Variants in RBMXL3 observed in about 807,000 individuals in gnomAD.
The protein encoded by RBMXL3 is RBMX like 3, also known as RNA-binding motif protein, X-linked-like-3.
In RBMXL3, 2 loss-of-function variants were observed where a neutral mutation model predicts 0.8. The ratio of observed to expected loss-of-function variants is 2.54; its 90% CI spans 1.04 to 8.00. RBMXL3 has a LOEUF of 8.00. RBMXL3 is among the 30% of genes most tolerant of loss of function. The pLI, the probability that RBMXL3 is intolerant of heterozygous loss-of-function variation, is 0.04. For missense variants in RBMXL3, 1,127 were observed against 1,068.0 expected (o/e 1.06, Z -0.77); for synonymous variants, 447 against 449.8 (o/e 0.99, Z 0.08).
In RBMXL3 at chrX:115,192,233, A is replaced by G; in HGVS notation, c.2792A>G (p.Asn931Ser). 8.6e-7 allele frequency: 1 copy of G among 1,159,796 alleles called. No individual in the cohort carries two copies. Among genetic ancestry groups the G allele is most frequent in the African/African-American group, 1.8e-5 (1 of 54,489 alleles). ...GCCTACGGCGGGGGCCGCGGCCTCA[A>G]CAGTTCCAACAACAGTCATGGCCGG... ...PNAYGGGRGLNSSNNSHGRSH... is the reference protein window; with the variant it reads ...PNAYGGGRGLSSSNNSHGRSH... Residue 931 changes from asparagine to serine, a missense_variant, in exon 1 of 1, where the codon AAC (asparagine) becomes AGC (serine). By Grantham distance (46) the Asn-to-Ser change is conservative. Transcript: ENST00000424776.
In RBMXL3 at chrX:115,192,403, G is replaced by A; in HGVS notation, c.2962G>A (p.Gly988Ser). ...AGGAGGCCACTACGAGGAGTACCAG[G>A]GCAGCTTGCCTGACGCCTACAGCGG... The part of the protein sequence containing the change: ...GGGGHYEEYQ[G>S]SLPDAYSGDH... Residue 988 changes from glycine to serine, a missense_variant, in exon 1 of 1, where the codon GGC becomes AGC. Gly to Ser is a moderately conservative substitution (Grantham distance 56, BLOSUM62 0). Transcript: ENST00000424776. The A allele has an allele frequency of 8.6e-7, 1 of 1,166,480 alleles. No homozygotes were observed. The highest frequency in any genetic ancestry group is 1.8e-5 in the African/African-American group (1 of 56,517).
rs782134497 is a variant in RBMXL3, at chrX:115,191,347, C to A, written c.1906C>A (p.Arg636Ser). 8.7e-7 allele frequency: 1 copy of A among 1,149,372 alleles called. No individual in the cohort carries two copies. Among genetic ancestry groups the A allele is most frequent in the Non-Finnish European group, 1.2e-6 (1 of 861,445 alleles). The allele number at this position is 1,149,372 out of a possible 1,213,427, so 94.7% of individuals were successfully genotyped here. A position where few individuals can be genotyped will look rare whatever the true frequency, so the allele number is the denominator to read the frequency against. The change falls in exon 1 of 1, where the codon CGC becomes AGC. Residue 636 changes from arginine (R) to serine (S), a missense_variant. Transcript: ENST00000424776. ...GGGRYEEYRG[R>S]SLDANSGGRS... ...AGGCCGCTACGAGGAGTACCGAGGCCGCTCCCTTGATGCCAACAGTGGAGG... is the reference window on the plus strand; with the variant it reads ...AGGCCGCTACGAGGAGTACCGAGGCAGCTCCCTTGATGCCAACAGTGGAGG...
rs1556561141 is a variant in RBMXL3, at chrX:115,192,309, G to A, written c.2868G>A (p.Ser956=). 6.0e-6 allele frequency: 7 copies of A among 1,158,247 alleles called. No homozygotes were observed. In the Admixed American group the frequency reaches 1.0e-4, roughly 17 times the overall value. The change falls in exon 1 of 1, where the codon TCG becomes TCA. Residue 956 remains serine (S), a synonymous_variant. Coordinates refer to ENST00000424776, the MANE Select transcript of RBMXL3 (RefSeq NM_001145346.2). ...GCTACGAGGAGTACCGAGGCCCCTC[G>A]CCTGACGCCCACAGTGGGGGCCGCG... The part of the protein sequence containing the change: ...GGRYEEYRGP[S]PDAHSGGRDS...
chrX:115,192,627 A>T lies in RBMXL3; in HGVS notation c.3186A>T (p.Glu1062Asp). The T allele has an allele frequency of 1.7e-6, 2 of 1,169,663 alleles. No homozygotes were observed. The highest frequency in any genetic ancestry group is 2.3e-6 in the Non-Finnish European group (2 of 873,985). Residue 1062 changes from glutamate (E) to aspartate (D), a missense_variant, in exon 1 of 1, where the codon GAA becomes GAT. By Grantham distance (45) the Glu-to-Asp change is conservative. Coordinates refer to ENST00000424776, the MANE Select transcript of RBMXL3 (RefSeq NM_001145346.2). Reference protein sequence around the residue: ...GRQGGRFERGEGRSRY With the variant: ...GRQGGRFERGDGRSRY ...AAGGAGGCCGCTTCGAGAGGGGGGAAGGCCGGAGCAGATACTAAGCAGGAA... is the reference window on the plus strand; with the variant it reads ...AAGGAGGCCGCTTCGAGAGGGGGGATGGCCGGAGCAGATACTAAGCAGGAA...
rs1167453090 is a variant in RBMXL3, at chrX:115,189,885, G to A, written c.444G>A (p.Arg148=). 8.6e-7 allele frequency: 1 copy of A among 1,163,586 alleles called. No individual in the cohort carries two copies. Among genetic ancestry groups the A allele is most frequent in the Non-Finnish European group, 1.1e-6 (1 of 871,083 alleles). Residue 148 remains arginine, a synonymous_variant, in exon 1 of 1, where the codon AGG becomes AGA. Transcript: ENST00000424776. ...GGCCCTACAGGGCCCCGATGCCCAG[G>A]AAGCGCGGGCCGCCACCGCGGCACT... is the stretch of plus-strand genomic sequence containing the variant. The part of the protein sequence containing the change: ...DLWPYRAPMP[R]KRGPPPRHWA...
chrX:115,190,746 C>A lies in RBMXL3; in HGVS notation c.1305C>A (p.Ser435Arg), dbSNP rs782203878. Residue 435 changes from serine (S) to arginine (R), a missense_variant, in exon 1 of 1, where the codon AGC becomes AGA. Physicochemically the swap from Ser to Arg is moderately radical, Grantham distance 110 (BLOSUM62 -1). Coordinates refer to ENST00000424776, the MANE Select transcript of RBMXL3 (RefSeq NM_001145346.2). ...EYRGRSHEAR[S>R]GGRSTDAHSR... ...GAGGCCGCTCACACGAGGCCCGCAGCGGGGGCCGCTCCACTGATGCCCACA... is the reference window on the plus strand; with the variant it reads ...GAGGCCGCTCACACGAGGCCCGCAGAGGGGGCCGCTCCACTGATGCCCACA... The A allele has an allele frequency of 1.2e-5, 14 of 1,162,405 alleles. No individual in the cohort carries two copies. Among genetic ancestry groups the A allele is most frequent in the Admixed American group, 2.6e-5 (1 of 38,282 alleles).
In RBMXL3 at chrX:115,190,792, G is replaced by A. The variant is rs1430561307; in HGVS notation, c.1351G>A (p.Ala451Thr). ...DAHSRGRSDD[A>T]YSGGHDSSSW... ...CCACAGCAGGGGCCGGTCCGACGACGCCTACAGTGGGGGCCATGACAGTTC... is the reference window on the plus strand; with the variant it reads ...CCACAGCAGGGGCCGGTCCGACGACACCTACAGTGGGGGCCATGACAGTTC... The change falls in exon 1 of 1, where the codon GCC becomes ACC. Residue 451 changes from alanine (A) to threonine (T), a missense_variant. Physicochemically the swap from Ala to Thr is moderately conservative, Grantham distance 58 (BLOSUM62 0). Transcript: ENST00000424776. 21 of 1,163,483 alleles carry A rather than the reference G, an allele frequency of 1.8e-5. No homozygotes were observed. Among genetic ancestry groups the A allele is most frequent in the Admixed American group, 1.6e-4 (6 of 38,286 alleles).
rs62601525 is a variant in RBMXL3, at chrX:115,189,585, G to A, written c.144G>A (p.Ser48=). The change falls in exon 1 of 1, where the codon TCG becomes TCA. Residue 48 remains serine (S), a synonymous_variant. Transcript: ENST00000424776. ...FLMKDRKTNK[S]RGFAFVTFES... ...TGAAAGACCGAAAAACCAACAAGTC[G>A]AGGGGCTTCGCGTTCGTCACCTTCG... is the stretch of plus-strand genomic sequence containing the variant. The A allele has an allele frequency of 0.14, 167,411 of 1,169,871 alleles. 9,073 individuals carry two copies. Among genetic ancestry groups the A allele is most frequent in the Non-Finnish European group, 0.16 (141,307 of 874,343 alleles).
At position 115,189,537 on chromosome X, in the gene RBMXL3, C is replaced by T; in HGVS notation, c.96C>T (p.Gly32=). Reference sequence around the variant, plus strand: ...TCAAAGCCGAGTTTGGCAAGTATGGCCACATCATCAAGGTGTTCCTGATGA... The same window carrying T: ...TCAAAGCCGAGTTTGGCAAGTATGGTCACATCATCAAGGTGTTCCTGATGA... ...KALKAEFGKY[G]HIIKVFLMKD... is the part of the protein sequence containing the mutation. The change falls in exon 1 of 1, where the codon GGC becomes GGT. Residue 32 remains glycine, a synonymous_variant. Coordinates refer to ENST00000424776, the MANE Select transcript of RBMXL3 (RefSeq NM_001145346.2). 8.5e-7 allele frequency: 1 copy of T among 1,179,977 alleles called. No homozygotes were observed. Among genetic ancestry groups the T allele is most frequent in the Non-Finnish European group, 1.1e-6 (1 of 878,771 alleles).
rs1307596811 is a variant in RBMXL3, at chrX:115,192,598, C to T, written c.3157C>T (p.Arg1053Cys). ...CTGCAGGGTGCCCAGGGGCGGAGGC[C>T]GTCAAGGAGGCCGCTTCGAGAGGGG... is the stretch of plus-strand genomic sequence containing the variant. The part of the protein sequence containing the change: ...SGCRVPRGGG[R>C]QGGRFERGEG... Residue 1053 changes from arginine (R) to cysteine (C), a missense_variant, in exon 1 of 1, where the codon CGT becomes TGT. Arg to Cys is a radical substitution (Grantham distance 180). Transcript: ENST00000424776. 1.8e-5 allele frequency: 21 copies of T among 1,169,731 alleles called. No homozygotes were observed. The highest frequency in any genetic ancestry group is 2.2e-5 in the Non-Finnish European group (19 of 874,551).
rs1556560631 is a variant in RBMXL3 at position 115,192,023 on chromosome X, A to G, written c.2582A>G (p.Tyr861Cys). ...RSHRYGGGGH[Y>C]EEYRGRSHDT... Reference sequence around the variant, plus strand: ...CACCGCTATGGAGGAGGAGGCCACTACGAAGAGTACCGAGGCCGCTCGCAC... The same window carrying G: ...CACCGCTATGGAGGAGGAGGCCACTGCGAAGAGTACCGAGGCCGCTCGCAC... The change falls in exon 1 of 1, where the codon TAC becomes TGC. Residue 861 changes from tyrosine (Y) to cysteine (C), a missense_variant. Coordinates refer to ENST00000424776, the MANE Select transcript of RBMXL3 (RefSeq NM_001145346.2). 1 of 1,166,076 alleles carries G rather than the reference A, an allele frequency of 8.6e-7. No individual in the cohort carries two copies. Among genetic ancestry groups the G allele is most frequent in the African/African-American group, 1.8e-5 (1 of 55,698 alleles).
In RBMXL3 at chrX:115,192,548, T is replaced by C. The variant is rs1239807222; in HGVS notation, c.3107T>C (p.Leu1036Pro). Residue 1036 changes from leucine to proline, a missense_variant, in exon 1 of 1, where the codon CTG becomes CCG. Leu to Pro is a moderately conservative substitution (Grantham distance 98). Transcript: ENST00000424776. ...CCCATGGAAACGGGCAGCCCTCCCCTGCATGATTCTTACAGCCGGTCAGGC... is the reference window on the plus strand; with the variant it reads ...CCCATGGAAACGGGCAGCCCTCCCCCGCATGATTCTTACAGCCGGTCAGGC... ...PLPMETGSPP[L>P]HDSYSRSGCR... 1 of 1,169,466 alleles carries C rather than the reference T, an allele frequency of 8.6e-7. No individual in the cohort carries two copies. The highest frequency in any genetic ancestry group is 1.8e-5 in the African/African-American group (1 of 56,548).
chrX:115,192,713 A>G lies in RBMXL3; in HGVS notation c.*68A>G. The stretch of plus-strand genomic sequence containing the variant: ...AAAAAGAAGAACCTGTTCTATGTTA[A>G]CTACCCAAGGACTAGTATAAGTAGG... On this transcript the variant is annotated 3_prime_UTR_variant, in exon 1 of 1. Coordinates refer to ENST00000424776, the MANE Select transcript of RBMXL3 (RefSeq NM_001145346.2). The G allele has an allele frequency of 9.6e-7, 1 of 1,044,217 alleles. No individual in the cohort carries two copies. The highest frequency in any genetic ancestry group is 1.3e-6 in the Non-Finnish European group (1 of 763,557). The allele number at this position is 1,044,217 out of a possible 1,213,427, so 86.1% of individuals were successfully genotyped here. A position where few individuals can be genotyped will look rare whatever the true frequency, so the allele number is the denominator to read the frequency against.
chrX:115,190,873 T>A lies in RBMXL3; in HGVS notation c.1432T>A (p.Ser478Thr). 1 of 1,155,544 alleles carries A rather than the reference T, an allele frequency of 8.7e-7. No individual in the cohort carries two copies. The highest frequency in any genetic ancestry group is 1.9e-5 in the South Asian group (1 of 51,715). Residue 478 changes from serine to threonine, a missense_variant, in exon 1 of 1, where the codon TCG becomes ACG. By Grantham distance (58) the Ser-to-Thr change is moderately conservative. Transcript: ENST00000424776. ...GGRYEEYQGRSLDANSGGCSP... is the reference protein window; with the variant it reads ...GGRYEEYQGRTLDANSGGCSP... ...CCGTTATGAGGAGTACCAAGGCCGC[T>A]CGCTGGATGCCAACAGTGGAGGCTG...
chrX:115,189,691 A>G lies in RBMXL3; in HGVS notation c.250A>G (p.Thr84Ala). Residue 84 changes from threonine to alanine, a missense_variant, in exon 1 of 1, where the codon ACC (threonine) becomes GCC (alanine). Physicochemically the swap from Thr to Ala is moderately conservative, Grantham distance 58. Coordinates refer to ENST00000424776, the MANE Select transcript of RBMXL3 (RefSeq NM_001145346.2). ...LDGKAIMVAQ[T>A]IKPAFKSSRW... ...TGGTAAGGCCATCATGGTGGCCCAG[A>G]CCATCAAACCGGCATTCAAGAGCAG... 5 of 1,167,986 alleles carry G rather than the reference A, an allele frequency of 4.3e-6. No individual in the cohort carries two copies. Among genetic ancestry groups the G allele is most frequent in the Non-Finnish European group, 5.7e-6 (5 of 873,136 alleles).
rs2072768116 is a variant in RBMXL3, at chrX:115,189,787, A to G, written c.346A>G (p.Ser116Gly). The G allele has an allele frequency of 1.7e-6, 2 of 1,166,036 alleles. No individual in the cohort carries two copies. Among genetic ancestry groups the G allele is most frequent in the African/African-American group, 3.6e-5 (2 of 56,111 alleles). Residue 116 changes from serine (S) to glycine (G), a missense_variant, in exon 1 of 1, where the codon AGC becomes GGC. Physicochemically the swap from Ser to Gly is moderately conservative, Grantham distance 56. Coordinates refer to ENST00000424776, the MANE Select transcript of RBMXL3 (RefSeq NM_001145346.2). The part of the protein sequence containing the change: ...RFSHRTRGGG[S>G]SPQRPPSQGR... ...CTCACACAGAACCCGTGGGGGTGGCAGCAGCCCACAGCGACCCCCCTCTCA... is the reference window on the plus strand; with the variant it reads ...CTCACACAGAACCCGTGGGGGTGGCGGCAGCCCACAGCGACCCCCCTCTCA...
chrX:115,190,806 C>A lies in RBMXL3; in HGVS notation c.1365C>A (p.Gly455=). Reference sequence around the variant, plus strand: ...GGTCCGACGACGCCTACAGTGGGGGCCATGACAGTTCCAGCTGGAGCGACT... The same window carrying A: ...GGTCCGACGACGCCTACAGTGGGGGACATGACAGTTCCAGCTGGAGCGACT... ...RGRSDDAYSG[G]HDSSSWSDCC... Residue 455 remains glycine (G), a synonymous_variant, in exon 1 of 1, where the codon GGC becomes GGA. Transcript: ENST00000424776. 8.6e-7 allele frequency: 1 copy of A among 1,157,286 alleles called. No homozygotes were observed.
At position 115,192,298 on chromosome X, in the gene RBMXL3, C is replaced by T. The variant is rs909991318; in HGVS notation, c.2857C>T (p.Arg953Ter). 4 of 1,164,478 alleles carry T rather than the reference C, an allele frequency of 3.4e-6. No individual in the cohort carries two copies. Among genetic ancestry groups the T allele is most frequent in the Admixed American group, 2.6e-5 (1 of 38,495 alleles). Reference sequence around the variant, plus strand: ...AGGAGGAGGCCGCTACGAGGAGTACCGAGGCCCCTCGCCTGACGCCCACAG... The same window carrying T: ...AGGAGGAGGCCGCTACGAGGAGTACTGAGGCCCCTCGCCTGACGCCCACAG... ...YGGGGRYEEYRGPSPDAHSGG... is the reference protein window; with the variant it reads ...YGGGGRYEEY The change falls in exon 1 of 1, where the codon CGA becomes TGA. Residue 953 changes from arginine (R) to a stop codon, truncating the protein, a stop_gained. Transcript: ENST00000424776. LOFTEE classifies it low-confidence loss of function (END_TRUNC).
rs1018905546 is a variant in RBMXL3, at chrX:115,189,938, C to T, written c.497C>T (p.Thr166Met). The change falls in exon 1 of 1, where the codon ACG (threonine) becomes ATG (methionine). Residue 166 changes from threonine (T) to methionine (M), a missense_variant. Physicochemically the swap from Thr to Met is moderately conservative, Grantham distance 81 (BLOSUM62 -1). Transcript: ENST00000424776. ...GCCAGCCCACCCCACAAGAGGGCCACGCCGTCGAGCCTGGCTCACAGCGTT... is the reference window on the plus strand; with the variant it reads ...GCCAGCCCACCCCACAAGAGGGCCATGCCGTCGAGCCTGGCTCACAGCGTT... ...HWASPPHKRA[T>M]PSSLAHSVGC... 13 of 1,157,437 alleles carry T rather than the reference C, an allele frequency of 1.1e-5. No homozygotes were observed. Among genetic ancestry groups the T allele is most frequent in the Admixed American group, 7.8e-5 (3 of 38,289 alleles).
Sources: allele counts gnomAD v4.1 joint callset, GRCh38; gene constraint gnomAD v4.1.1; transcripts MANE v1.5; gene names NCBI Gene and HGNC (gene_info 2026-07-23, HGNC 2026-07-21).